Variants in TMEM181 observed in about 807,000 individuals in gnomAD.
TMEM181 encodes the protein G protein-coupled receptor 178.
Under a neutral mutation model 71.9 loss-of-function variants are expected in TMEM181, and 39 were observed. The observed-to-expected ratio is 0.54, with a 90% CI of 0.42 to 0.71. The LOEUF (loss-of-function observed/expected upper bound fraction) is 0.71. Among genes scored for constraint, TMEM181 ranks in the 30% least tolerant of loss-of-function variants. The probability of loss-of-function intolerance (pLI) is 0.00; values close to 1 mark genes in which losing one functional copy is unlikely to be tolerated. For synonymous variants in TMEM181, 245 were observed against 228.8 expected (o/e 1.07, Z -0.64); for missense variants, 595 against 583.0 (o/e 1.02, Z -0.21).
chr6:158,575,257 G>T (rs1299115571), intron 2 of TMEM181, among the ~76,000 whole-genome samples: 1 of 152,168 alleles, frequency 6.6e-6, no homozygotes, highest in Non-Finnish European at 1.5e-5. Context: ...TTTAGAGTTA[G>T]GAGTACCTTA....
chr6:158,574,066 C>T (rs763678944), intron 2 of TMEM181, among the ~76,000 whole-genome samples: 29 of 143,276 alleles, frequency 2.0e-4, no homozygotes, highest in South Asian at 1.3e-3. Flanking sequence ...TCTTCAGCCC[C>T]GTGCAGAGGG....
chr6:158,601,439 C>G (rs1157943341), intron 6 of TMEM181, among the ~76,000 whole-genome samples: 1 of 151,946 alleles, frequency 6.6e-6, no homozygotes, highest in East Asian at 1.9e-4. Flanking sequence ...CCCAGCTACT[C>G]AGGAGGCTGA....
At chr6:158,543,088 G>T (rs1344513968) in intron 1 of TMEM181, among the ~76,000 whole-genome samples, 1 of 151,774 alleles carries the variant, frequency 6.6e-6, no homozygotes, top group African/African-American at 2.4e-5. Context: ...TGTTAGCCAG[G>T]ATAGTTTCGA....
At chr6:158,555,752 C>T (rs1365476104), upstream of TMEM181, among the ~76,000 whole-genome samples, 1 of 152,192 alleles carries the variant, frequency 6.6e-6, no homozygotes, top group Non-Finnish European at 1.5e-5. Flanking sequence ...TTTTATTAAT[C>T]TCTCAGGAGC....
intron 2 of TMEM181, among the ~76,000 whole-genome samples, chr6:158,579,821 A>T (rs1783374582): frequency 6.6e-6 from 1 of 152,226 alleles, no homozygotes; most frequent in South Asian, 2.1e-4. Flanking sequence ...AGCCATTGGA[A>T]AAAAGATAAA....
At chr6:158,543,495 C>T (rs1190916681) in intron 1 of TMEM181, among the ~76,000 whole-genome samples, 1 of 152,242 alleles carries the variant, frequency 6.6e-6, no homozygotes, top group Non-Finnish European at 1.5e-5. Context: ...GATGTATCGT[C>T]TCCTGGTTCT....
chr6:158,599,655 C>T (rs1260266164), intron 6 of TMEM181, among the ~76,000 whole-genome samples: 1 of 152,388 alleles, frequency 6.6e-6, no homozygotes, highest in Non-Finnish European at 1.5e-5. Flanking sequence ...GGAACGACCT[C>T]TACTTGTGGA....
intron 10 of TMEM181, chr6:158,611,779 T>TAA: frequency 3.3e-5 from 7 of 213,700 alleles, no homozygotes; most frequent in East Asian, 1.3e-4. Flanking sequence ...CAGGTTTGTT[T>TAA]TGGACAATAA....
intron 6 of TMEM181, among the ~76,000 whole-genome samples, chr6:158,603,329 GA>G: frequency 6.6e-6 from 1 of 151,030 alleles, no homozygotes; most frequent in Non-Finnish European, 1.5e-5. Flanking sequence ...TTTATCATTA[GA>G]TTCTCGTAAG....
intron 10 of TMEM181, among the ~76,000 whole-genome samples, chr6:158,612,037 A>C (rs943115685): frequency 6.6e-6 from 1 of 151,656 alleles, no homozygotes; most frequent in African/African-American, 2.4e-5. Context: ...AAGGGAAAGG[A>C]ATGTGCTTAT....
At chr6:158,576,197 C>G (rs1027205471) in intron 2 of TMEM181, among the ~76,000 whole-genome samples, 1 of 152,296 alleles carries the variant, frequency 6.6e-6, no homozygotes, top group East Asian at 1.9e-4. Context: ...TAATTTTGGT[C>G]AGCACAGCTC....
At chr6:158,599,681 G>A (rs2128311428) in intron 6 of TMEM181, among the ~76,000 whole-genome samples, 1 of 152,340 alleles carries the variant, frequency 6.6e-6, no homozygotes, top group African/African-American at 2.4e-5. Flanking sequence ...GTGAGGCACT[G>A]GCTGGGCTTG....
intron 3 of TMEM181, among the ~76,000 whole-genome samples, chr6:158,581,205 T>C (rs1220767295): frequency 1.3e-5 from 2 of 152,236 alleles, no homozygotes; most frequent in Non-Finnish European, 2.9e-5. Context: ...ACCTCAGTAC[T>C]TAGGAAGATG....
intron 1 of TMEM181, among the ~76,000 whole-genome samples, chr6:158,554,401 G>C (rs1781813373): frequency 6.6e-6 from 1 of 151,784 alleles, no homozygotes; most frequent in Non-Finnish European, 1.5e-5. Flanking sequence ...TGTAGTTTTA[G>C]TAGAGATGGG....
chr6:158,574,265 G>T (rs958783274), intron 2 of TMEM181, among the ~76,000 whole-genome samples: 1 of 152,226 alleles, frequency 6.6e-6, no homozygotes, highest in East Asian at 1.9e-4. Flanking sequence ...GCCTCAAAAG[G>T]TTAGTTTCTT....
At chr6:158,610,299 G>A in intron 10 of TMEM181, 1 of 291,224 alleles carries the variant, frequency 3.4e-6, no homozygotes. Context: ...GAGGGTGACA[G>A]CCAAAGGCCC....
At chr6:158,551,358 A>G (rs1781718856) in intron 1 of TMEM181, among the ~76,000 whole-genome samples, 1 of 151,998 alleles carries the variant, frequency 6.6e-6, no homozygotes, top group Non-Finnish European at 1.5e-5. Context: ...TGGGAATTTT[A>G]TTTAATCCAC....
At chr6:158,573,022 G>A (rs1258362617) in intron 1 of TMEM181, among the ~76,000 whole-genome samples, 3 of 152,088 alleles carry the variant, frequency 2.0e-5, no homozygotes, top group Non-Finnish European at 4.4e-5. Flanking sequence ...GCTTGTGGGT[G>A]TGCCAGTGTG....
chr6:158,632,052 A>C lies in TMEM181; in HGVS notation c.*164A>C, dbSNP rs767898224. 5.0e-5 allele frequency: 34 copies of C among 678,976 alleles called. No homozygotes were observed. The highest frequency in any genetic ancestry group is 8.1e-5 in the Non-Finnish European group (33 of 406,832). 42.1% of individuals were successfully genotyped at this position (678,976 alleles called of 1,614,324 possible). ...AAAACCAAAACTGAGGGTAAATTTA[A>C]ATGTTTAGCCAAATTTATTGTCATG... On this transcript the variant is annotated 3_prime_UTR_variant, in exon 17 of 17. Coordinates refer to ENST00000684151, the MANE Select transcript of TMEM181 (RefSeq NM_001376852.1).
Sources: gnomAD v4.1 joint callset for allele counts (sites outside exome capture counted in the v4.1 genomes callset) on GRCh38, gnomAD v4.1.1 for gene constraint, MANE v1.5 for transcripts, NCBI Gene and HGNC (gene_info 2026-07-23, HGNC 2026-07-21) for gene names.